The following VWC2 variants were observed in gnomAD, a reference collection of about 807,000 sequenced individuals.
VWC2 encodes the protein brorin.
A neutral mutation model predicts 29.8 loss-of-function variants in VWC2; 14 were observed. The ratio of observed to expected loss-of-function variants is 0.47; its 90% CI spans 0.31 to 0.74. VWC2 has a LOEUF of 0.74. Ranked by LOEUF, VWC2 falls within the 30% of genes least tolerant of loss-of-function variation. The pLI, the probability that VWC2 is intolerant of heterozygous loss-of-function variation, is 0.05. For missense variants in VWC2, 457 were observed against 459.8 expected (o/e 0.99, Z 0.05); for synonymous variants, 213 against 199.0 (o/e 1.07, Z -0.59).
At chr7:49,818,516 C>G (rs1789198884) in intron 3 of VWC2, among the ~76,000 whole-genome samples, 1 of 151,692 alleles carries the variant, frequency 6.6e-6, no homozygotes, top group Non-Finnish European at 1.5e-5. Context: ...CCTTGAAGAC[C>G]CTTGAGAGAA....
intron 2 of VWC2, among the ~76,000 whole-genome samples, chr7:49,798,434 C>T (rs763175446): frequency 4.6e-4 from 70 of 152,366 alleles, no homozygotes; most frequent in Non-Finnish European, 7.6e-4. Context: ...AAAGCTAGAA[C>T]CCACGGCTGG....
intron 3 of VWC2, among the ~76,000 whole-genome samples, chr7:49,867,739 T>C (rs1261916438): frequency 6.6e-6 from 1 of 152,202 alleles, no homozygotes; most frequent in African/African-American, 2.4e-5. Context: ...GCTACAAAAG[T>C]ACAAACAGCA....
chr7:49,784,043 C>T (rs1788240501), intron 2 of VWC2, among the ~76,000 whole-genome samples: 2 of 152,204 alleles, frequency 1.3e-5, no homozygotes, highest in Admixed American at 6.5e-5. Context: ...GGAGGATAGC[C>T]TGACAACTCA....
In VWC2 at chr7:49,903,030, G is replaced by A. The variant is rs183491901; in HGVS notation, c.827-9004G>A. On this transcript the variant is annotated intron_variant, in intron 3 of 3. Transcript: ENST00000340652. Reference sequence around the variant, plus strand: ...ACACATGAAAAGATGAACATCACCCGCCACTAGGGAAATACAAATTAAAAC... The same window carrying A: ...ACACATGAAAAGATGAACATCACCCACCACTAGGGAAATACAAATTAAAAC... Among the ~76,000 whole-genome samples the A allele has an allele frequency of 3.5e-3, 530 of 152,150 alleles. 1 individual carries two copies. The highest frequency in any genetic ancestry group is 0.01 in the Middle Eastern group (3 of 294).
At chr7:49,789,028 G>A (rs1018860196) in intron 2 of VWC2, among the ~76,000 whole-genome samples, 1 of 148,480 alleles carries the variant, frequency 6.7e-6, no homozygotes, top group South Asian at 2.1e-4. Context: ...CAGTGTGAGC[G>A]TGTGGGTGCA....
chr7:49,821,884 C>T (rs930937405), intron 3 of VWC2, among the ~76,000 whole-genome samples: 10 of 152,044 alleles, frequency 6.6e-5, no homozygotes, highest in African/African-American at 2.4e-4. Flanking sequence ...GATTGTGTTG[C>T]AATATTCATA....
chr7:49,795,446 A>G (rs938412828), intron 2 of VWC2, among the ~76,000 whole-genome samples: 1 of 152,136 alleles, frequency 6.6e-6, no homozygotes, highest in African/African-American at 2.4e-5. Context: ...CAGGCTTTGC[A>G]TTTATTCACT....
At chr7:49,879,803 G>C (rs559488427) in intron 3 of VWC2, among the ~76,000 whole-genome samples, 1 of 152,102 alleles carries the variant, frequency 6.6e-6, no homozygotes, top group South Asian at 2.1e-4. Context: ...TTTTAGGTGT[G>C]ATCACAATTG....
chr7:49,906,584 C>A (rs551342158), intron 3 of VWC2, among the ~76,000 whole-genome samples: 17 of 152,336 alleles, frequency 1.1e-4, no homozygotes, highest in African/African-American at 3.6e-4. Context: ...GATCCACCCA[C>A]CTTGGCCTCA....
chr7:49,849,916 A>C (rs1790109047), intron 3 of VWC2, among the ~76,000 whole-genome samples: 1 of 152,194 alleles, frequency 6.6e-6, no homozygotes, highest in Admixed American at 6.5e-5. Context: ...GCACAGGTAC[A>C]AAAAAATTCA....
At chr7:49,798,088 G>A (rs1304089140) in intron 2 of VWC2, among the ~76,000 whole-genome samples, 1 of 152,236 alleles carries the variant, frequency 6.6e-6, no homozygotes, top group African/African-American at 2.4e-5. Context: ...TCCTGCTGCT[G>A]GTTGCAGAGT....
intron 3 of VWC2, among the ~76,000 whole-genome samples, chr7:49,856,531 C>T (rs754367434): frequency 3.9e-5 from 6 of 152,172 alleles, no homozygotes; most frequent in Admixed American, 6.5e-5. Context: ...TGGACGAATA[C>T]AGCAGGATTT....
chr7:49,876,646 G>C (rs556378992), intron 3 of VWC2, among the ~76,000 whole-genome samples: 171 of 152,186 alleles, frequency 1.1e-3, no homozygotes, highest in African/African-American at 3.5e-3. Context: ...GAATTGCCTT[G>C]TTGTTTTTTA....
chr7:49,912,136 G>A lies in VWC2; in HGVS notation c.929G>A (p.Arg310Lys). 1 of 1,614,152 alleles carries A rather than the reference G, an allele frequency of 6.2e-7. No individual in the cohort carries two copies. Among genetic ancestry groups the A allele is most frequent in the Non-Finnish European group, 8.5e-7 (1 of 1,180,010 alleles). Residue 310 changes from arginine (R) to lysine (K), a missense_variant, in exon 4 of 4, where the codon AGA becomes AAA. Arg to Lys is a conservative substitution (Grantham distance 26). Around this residue, in one of 2 missense-constraint regions of VWC2, gnomAD observed 185 missense variants for 257.1 expected, o/e 0.72. Transcript: ENST00000340652. ...TGTACTTATGAGGAAGGCACATGGA[G>A]AATCGAGCGGCAGGCCATGTGCACG... Reference protein sequence around the residue: ...CHCTYEEGTWRIERQAMCTRH... With the variant: ...CHCTYEEGTWKIERQAMCTRH...
intron 3 of VWC2, among the ~76,000 whole-genome samples, chr7:49,804,140 G>A (rs191801654): frequency 6.6e-6 from 1 of 151,754 alleles, no homozygotes; most frequent in Non-Finnish European, 1.5e-5. Context: ...CAAGAACGAG[G>A]GGGACTTTGA....
At chr7:49,788,952 CATGTGTGTGCATG>C (rs1427201538) in intron 2 of VWC2, among the ~76,000 whole-genome samples, 1 of 130,668 alleles carries the variant, frequency 7.7e-6, no homozygotes, top group Non-Finnish European at 1.6e-5. Context: ...AGTGTGGGTG[CATGTGTGTGCATG>C]AGTGTGTGTG....
intron 2 of VWC2, among the ~76,000 whole-genome samples, chr7:49,789,037 C>T (rs1267276538): frequency 1.7e-5 from 2 of 119,426 alleles, no homozygotes; most frequent in East Asian, 2.6e-4. Context: ...CGTGTGGGTG[C>T]ATGTGTGAGT....
chr7:49,779,920 T>G (rs988061826), intron 2 of VWC2, among the ~76,000 whole-genome samples: 15 of 152,212 alleles, frequency 9.9e-5, no homozygotes, highest in African/African-American at 3.1e-4. Context: ...ACACTCATAT[T>G]GGATTGGGGC....
At chr7:49,775,025 G>A (rs1041530220) in intron 1 of VWC2, among the ~76,000 whole-genome samples, 4 of 152,174 alleles carry the variant, frequency 2.6e-5, no homozygotes, top group African/African-American at 9.6e-5. Context: ...GAGCTTTGCA[G>A]GGGGGCGCGG....
Sources: gnomAD v4.1 joint callset for allele counts (sites outside exome capture counted in the v4.1 genomes callset) on GRCh38, gnomAD v4.1.1 for gene constraint, gnomAD v4.1.1 regional missense constraint, MANE v1.5 for transcripts, NCBI Gene and HGNC (gene_info 2026-07-23, HGNC 2026-07-21) for gene names.